The following ACY3 variants were observed in gnomAD, a reference collection of about 807,000 sequenced individuals.
ACY3 encodes aminoacylase 3.
In ACY3, 20 loss-of-function variants were observed where a neutral mutation model predicts 24.6. The ratio of observed to expected loss-of-function variants is 0.81; its 90% CI spans 0.57 to 1.18. The LOEUF (loss-of-function observed/expected upper bound fraction) is 1.18, where lower values mean the gene tolerates loss of function less well. Among genes scored for constraint, ACY3 ranks in the 50% most tolerant of loss-of-function variants. The pLI is 0.00. For missense variants in ACY3, 423 were observed against 426.8 expected (o/e 0.99, Z 0.08); for synonymous variants, 174 against 188.4 (o/e 0.92, Z 0.62).
chr11:67,649,719 G>A (rs957120995), intron 1 of ACY3, among the ~76,000 whole-genome samples: 2 of 151,080 alleles, frequency 1.3e-5, no homozygotes, highest in African/African-American at 4.9e-5. Context: ...ATGTGTGCGT[G>A]TGTGCATGAG....
chr11:67,647,168 G>A lies in ACY3; in HGVS notation c.-20-105C>T, dbSNP rs1855534029. The A allele has an allele frequency of 3.7e-6, 3 of 809,982 alleles. No homozygotes were observed. In the South Asian group the frequency reaches 5.9e-5, roughly 16 times the overall value. 50.2% of individuals were successfully genotyped at this position (809,982 alleles called of 1,614,324 possible). A position where few individuals can be genotyped will look rare whatever the true frequency, so the allele number is the denominator to read the frequency against. ...CCACAGGGCAGCCACCTGTCAAGAG[G>A]TGTGGACAGCTGGGAGTGTCTCAGC... On this transcript the variant is annotated intron_variant, in intron 2 of 7. Transcript: ENST00000255082.
Position 67,647,081 on chromosome 11 carries a change from T to G in ACY3, c.-20-18A>C. 1 of 1,449,230 alleles carries G rather than the reference T, an allele frequency of 6.9e-7. No homozygotes were observed. The highest frequency in any genetic ancestry group is 9.1e-7 in the Non-Finnish European group (1 of 1,095,502). The allele number at this position is 1,449,230 out of a possible 1,614,324, so 89.8% of individuals were successfully genotyped here. On this transcript the variant is annotated intron_variant, in intron 2 of 7. Coordinates refer to ENST00000255082, the MANE Select transcript of ACY3 (RefSeq NM_080658.2). Reference sequence around the variant, plus strand: ...TGCAGAACCTGGGGGTGGGCATACTTAGGAGACCCTGGCCCCGATGCAAGG... The same window carrying G: ...TGCAGAACCTGGGGGTGGGCATACTGAGGAGACCCTGGCCCCGATGCAAGG...
At chr11:67,645,416 T>C (rs1855495837) in intron 4 of ACY3, 36 bp from the exon 5 acceptor site, 1 of 1,598,520 alleles carries the variant, frequency 6.3e-7, no homozygotes, top group African/African-American at 1.3e-5. Flanking sequence ...GGCCCAGGCC[T>C]ACTTGGGAAG....
At chr11:67,649,678 G>A (rs979780421) in intron 1 of ACY3, among the ~76,000 whole-genome samples, 1 of 149,332 alleles carries the variant, frequency 6.7e-6, no homozygotes, top group East Asian at 1.9e-4. Context: ...ATGTGCATGA[G>A]TATTGTGTGC....
chr11:67,642,560 A>T lies in ACY3; in HGVS notation c.*164T>A. The T allele has an allele frequency of 2.9e-6, 2 of 692,380 alleles. No homozygotes were observed. The highest frequency in any genetic ancestry group is 4.7e-5 in the Admixed American group (2 of 42,624). The allele number at this position is 692,380 out of a possible 1,614,324, so 42.9% of individuals were successfully genotyped here. On this transcript the variant is annotated 3_prime_UTR_variant, in exon 8 of 8. Coordinates refer to ENST00000255082, the MANE Select transcript of ACY3 (RefSeq NM_080658.2). ...GAGGACACAAACCATGGACCTCTGG[A>T]CATCTTCCATTTTATAGAAAGGGAA...
In ACY3 at chr11:67,644,735, C is replaced by CACACAA. The variant is rs778656343; in HGVS notation, c.744+24_744+25insTTGTGT. 13 of 1,292,948 alleles carry CACACAA rather than the reference C, an allele frequency of 1.0e-5. No homozygotes were observed. In the East Asian group the frequency reaches 3.5e-4, roughly 35 times the overall value. The allele number at this position is 1,292,948 out of a possible 1,614,324, so 80.1% of individuals were successfully genotyped here. On this transcript the variant is annotated intron_variant, in intron 7 of 7. Transcript: ENST00000255082. ...TGGCCCCAGAAATCACCCCCCACCA[C>CACACAA]ACACACACACACACACACACACACC... is the stretch of plus-strand genomic sequence containing the variant.
Position 67,645,688 on chromosome 11 carries a change from C to T in ACY3, c.432+4G>A, listed in dbSNP as rs1855501752. 6.3e-7 allele frequency: 1 copy of T among 1,593,962 alleles called. No homozygotes were observed. Among genetic ancestry groups the T allele is most frequent in the Non-Finnish European group, 8.5e-7 (1 of 1,170,036 alleles). ...GGGAGCTGTGTGCTTGGGGCCGGGG[C>T]CACCTGCAGATGGCGGCACAGGTGC... On this transcript the variant is annotated splice_donor_region_variant and intron_variant, in intron 4 of 7. Coordinates refer to ENST00000255082, the MANE Select transcript of ACY3 (RefSeq NM_080658.2).
chr11:67,646,818 T>A lies in ACY3; in HGVS notation c.226A>T (p.Ser76Cys), dbSNP rs1855524761. 44 of 1,612,874 alleles carry A rather than the reference T, an allele frequency of 2.7e-5. No homozygotes were observed. The East Asian group carries it at 9.6e-4, about 35-fold the overall frequency. ...GGCAAAAGCACTCACTTGAGGAAGCTGCTGGTGAAGGTGCGGTTGAGGTCA... is the reference window on the plus strand; with the variant it reads ...GGCAAAAGCACTCACTTGAGGAAGCAGCTGGTGAAGGTGCGGTTGAGGTCA... ...DHDLNRTFTSSFLNSRPTPDD... is the reference protein window; with the variant it reads ...DHDLNRTFTSCFLNSRPTPDD... The change falls in exon 3 of 8, where the codon AGC becomes TGC. Residue 76 changes from serine (S) to cysteine (C), a missense_variant. Physicochemically the swap from Ser to Cys is moderately radical, Grantham distance 112. Transcript: ENST00000255082.
chr11:67,645,546 C>T lies in ACY3; in HGVS notation c.432+146G>A, dbSNP rs773075544. 1.7e-4 allele frequency: 212 copies of T among 1,234,012 alleles called. 1 individual carries two copies. Among genetic ancestry groups the T allele is most frequent in the Middle Eastern group, 1.7e-3 (6 of 3,504 alleles). The allele number at this position is 1,234,012 out of a possible 1,614,324, so 76.4% of individuals were successfully genotyped here. ...GGGTACCGGGGGCCTGGAGTGCTGGCGAGTGGCAGACCCCAGGGACTGGAG... is the reference window on the plus strand; with the variant it reads ...GGGTACCGGGGGCCTGGAGTGCTGGTGAGTGGCAGACCCCAGGGACTGGAG... On this transcript the variant is annotated intron_variant, in intron 4 of 7. Coordinates refer to ENST00000255082, the MANE Select transcript of ACY3 (RefSeq NM_080658.2).
intron 7 of ACY3, among the ~76,000 whole-genome samples, chr11:67,643,246 T>C (rs1855442488): frequency 6.6e-6 from 1 of 152,286 alleles, no homozygotes; most frequent in African/African-American, 2.4e-5. Context: ...AGCAAGTCAC[T>C]TAACCTCTGT....
intron 1 of ACY3, 76 bp from the exon 2 acceptor site, chr11:67,647,665 T>C (rs2509716): frequency 0.99 from 149,658 of 150,604 alleles, 74,361 homozygotes; most frequent in Middle Eastern, 1. Context: ...CTGAGGTTCA[T>C]GCAGCCAAAG....
Position 67,642,631 on chromosome 11 carries a change from G to T in ACY3, c.*93C>A. 10 of 1,331,306 alleles carry T rather than the reference G, an allele frequency of 7.5e-6. No individual in the cohort carries two copies. Among genetic ancestry groups the T allele is most frequent in the African/African-American group, 1.4e-5 (1 of 69,446 alleles). The allele number at this position is 1,331,306 out of a possible 1,614,324, so 82.5% of individuals were successfully genotyped here. On this transcript the variant is annotated 3_prime_UTR_variant, in exon 8 of 8. Transcript: ENST00000255082. ...AGGCCTGGCAAGGAACATGGTGCATGGTAGGTGGCAGAAGGGACCTCTGTG... is the reference window on the plus strand; with the variant it reads ...AGGCCTGGCAAGGAACATGGTGCATTGTAGGTGGCAGAAGGGACCTCTGTG...
chr11:67,649,218 C>A (rs1855571245), intron 1 of ACY3, among the ~76,000 whole-genome samples: 1 of 152,062 alleles, frequency 6.6e-6, no homozygotes, highest in African/African-American at 2.4e-5. Context: ...TTTATGAGTC[C>A]CAGGCCATGG....
intron 3 of ACY3, among the ~76,000 whole-genome samples, chr11:67,646,440 C>T (rs1855518042): frequency 6.6e-6 from 1 of 152,238 alleles, no homozygotes; most frequent in African/African-American, 2.4e-5. Flanking sequence ...CATTCTCTCA[C>T]CTGAGCTGGC....
At chr11:67,644,067 G>T (rs191589626) in intron 7 of ACY3, among the ~76,000 whole-genome samples, 1 of 152,258 alleles carries the variant, frequency 6.6e-6, no homozygotes, top group Non-Finnish European at 1.5e-5. Flanking sequence ...TGTTATGACT[G>T]AACGTCTGCA....
intron 7 of ACY3, 52 bp downstream of exon 7, chr11:67,644,708 T>A: frequency 6.7e-7 from 1 of 1,490,930 alleles, no homozygotes; most frequent in East Asian, 2.5e-5. Context: ...TCCCCAAGGC[T>A]GTGGCCCCAG....
intron 3 of ACY3, 101 bp downstream of exon 3, chr11:67,646,704 CAGG>C (rs1855522347): frequency 1.2e-5 from 13 of 1,069,794 alleles, no homozygotes; most frequent in Non-Finnish European, 1.8e-5. Context: ...AGAGGGGAAG[CAGG>C]AGTGAAGGCA....
chr11:67,645,754 T>C lies in ACY3; in HGVS notation c.370A>G (p.Thr124Ala), dbSNP rs1193210583. The C allele has an allele frequency of 6.2e-7, 1 of 1,613,804 alleles. No homozygotes were observed. The highest frequency in any genetic ancestry group is 1.7e-5 in the Admixed American group (1 of 60,004). ...DLHNTTANMGTCLIAKSSHEV... is the reference protein window; with the variant it reads ...DLHNTTANMGACLIAKSSHEV... ...TGGGAGGACTTCGCGATTAAGCAGGTGCCCATGTTGGCCGTGGTGTTGTGC... is the reference window on the plus strand; with the variant it reads ...TGGGAGGACTTCGCGATTAAGCAGGCGCCCATGTTGGCCGTGGTGTTGTGC... The change falls in exon 4 of 8, where the codon ACC becomes GCC. Residue 124 changes from threonine (T) to alanine (A), a missense_variant. By Grantham distance (58) the Thr-to-Ala change is moderately conservative. Coordinates refer to ENST00000255082, the MANE Select transcript of ACY3 (RefSeq NM_080658.2).
rs1275974622 is a variant in ACY3 at position 67,644,755 on chromosome 11, C to CAT, written c.744+4_744+5insAT. 1 of 1,549,360 alleles carries CAT rather than the reference C, an allele frequency of 6.5e-7. No individual in the cohort carries two copies. Among genetic ancestry groups the CAT allele is most frequent in the Non-Finnish European group, 8.7e-7 (1 of 1,147,580 alleles). On this transcript the variant is annotated splice_donor_region_variant and intron_variant, in intron 7 of 7. Transcript: ENST00000255082. ...CACCACACACACACACACACACACA[C>CAT]ACACCTGCAGCTGAGGATGCACAGT...
Sources: allele counts gnomAD v4.1 joint callset (sites outside exome capture counted in the v4.1 genomes callset), GRCh38; gene constraint gnomAD v4.1.1; transcripts MANE v1.5; gene names NCBI Gene and HGNC (gene_info 2026-07-23, HGNC 2026-07-21).